Variants in CCDC138 observed in about 807,000 individuals in gnomAD.
CCDC138 encodes the protein coiled-coil domain containing 138.
Under a neutral mutation model 82.3 loss-of-function variants are expected in CCDC138, and 66 were observed. That is an observed-to-expected ratio of 0.80 (90% CI 0.66 to 0.98). The LOEUF is 0.98. Among genes scored for constraint, CCDC138 ranks in the 50% least tolerant of loss-of-function variants. The pLI, the probability that CCDC138 is intolerant of heterozygous loss-of-function variation, is 0.00. For missense variants in CCDC138, 816 were observed against 758.9 expected (o/e 1.08, Z -0.88); for synonymous variants, 297 against 265.4 (o/e 1.12, Z -1.16).
chr2:108,801,957 C>A (rs1213542720), intron 6 of CCDC138, among the ~76,000 whole-genome samples: 1 of 74,280 alleles, frequency 1.3e-5, no homozygotes, highest in African/African-American at 4.2e-5. Context: ...GGCGTTATTT[C>A]TGAGGGCTCT....
At chr2:108,826,309 T>C (rs770001271) in intron 10 of CCDC138, among the ~76,000 whole-genome samples, 1 of 152,326 alleles carries the variant, frequency 6.6e-6, no homozygotes, top group Middle Eastern at 3.4e-3. Context: ...TTTTGCATCA[T>C]GTTTAAGAAA....
At chr2:108,824,068 CAGTGAGTGAGT>C (rs1686164799) in intron 10 of CCDC138, among the ~76,000 whole-genome samples, 1 of 151,960 alleles carries the variant, frequency 6.6e-6, no homozygotes, top group African/African-American at 2.4e-5. Context: ...CTGGGAGAGT[CAGTGAGTGAGT>C]AGTGAGTGAG....
At chr2:108,803,969 A>G (rs1283021493) in intron 6 of CCDC138, among the ~76,000 whole-genome samples, 1 of 152,326 alleles carries the variant, frequency 6.6e-6, no homozygotes, top group Admixed American at 6.5e-5. Context: ...TAAGGAATCA[A>G]TATAGTAATA....
chr2:108,827,584 A>C (rs1309642221), intron 10 of CCDC138, among the ~76,000 whole-genome samples: 1 of 151,082 alleles, frequency 6.6e-6, no homozygotes, highest in Non-Finnish European at 1.5e-5. Context: ...TGGGAGGCCA[A>C]GGTGGGCGGA....
At chr2:108,869,515 G>A (rs182950358) in intron 13 of CCDC138, among the ~76,000 whole-genome samples, 1 of 152,272 alleles carries the variant, frequency 6.6e-6, no homozygotes, top group East Asian at 1.9e-4. Context: ...GGCCAAGGAA[G>A]GCAGTGGTGG....
At chr2:108,824,692 T>C (rs1400261277) in intron 10 of CCDC138, among the ~76,000 whole-genome samples, 1 of 152,324 alleles carries the variant, frequency 6.6e-6, no homozygotes, top group East Asian at 1.9e-4. Flanking sequence ...TCATTTATTA[T>C]CTTTATCAAG....
intron 1 of CCDC138, among the ~76,000 whole-genome samples, 180 bp downstream of exon 1, chr2:108,787,095 G>C (rs1223989422): frequency 6.6e-6 from 1 of 152,070 alleles, no homozygotes. Context: ...TGCGCTGCGG[G>C]GGTGCGGGGG....
At chr2:108,813,484 T>C (rs17036926) in intron 9 of CCDC138, among the ~76,000 whole-genome samples, 3,538 of 152,284 alleles carry the variant, frequency 0.023, 141 homozygotes, top group African/African-American at 0.081. Flanking sequence ...GTACGTATCA[T>C]TGACACATCA....
At chr2:108,824,610 A>G (rs112085321) in intron 10 of CCDC138, among the ~76,000 whole-genome samples, 3 of 152,232 alleles carry the variant, frequency 2.0e-5, no homozygotes, top group African/African-American at 7.2e-5. Flanking sequence ...TTTTTAAAAA[A>G]ATAACTGTAA....
In CCDC138 at chr2:108,839,183, A is replaced by G. The variant is rs755553213; in HGVS notation, c.1207-2A>G. 22 of 1,600,886 alleles carry G rather than the reference A, an allele frequency of 1.4e-5. No individual in the cohort carries two copies. The highest frequency in any genetic ancestry group is 6.9e-5 in the Admixed American group (4 of 58,038). On this transcript the variant is annotated splice_acceptor_variant, in intron 10 of 14. Coordinates refer to ENST00000295124, the MANE Select transcript of CCDC138 (RefSeq NM_144978.3). LOFTEE classifies it high-confidence loss of function. ...ATTTATTTTCCATCATTTTATCTTT[A>G]GCTTTTGCCTCTAATGACAGAGCAG... is the stretch of plus-strand genomic sequence containing the variant.
chr2:108,824,078 GTAGT>G (rs1686166684), intron 10 of CCDC138, among the ~76,000 whole-genome samples: 1 of 152,130 alleles, frequency 6.6e-6, no homozygotes, highest in Non-Finnish European at 1.5e-5. Flanking sequence ...CAGTGAGTGA[GTAGT>G]GAGTGAGTGT....
At position 108,786,785 on chromosome 2, in the gene CCDC138, C is replaced by A; in HGVS notation, c.-38C>A. The A allele has an allele frequency of 6.5e-7, 1 of 1,541,690 alleles. No homozygotes were observed. The highest frequency in any genetic ancestry group is 1.7e-4 in the Middle Eastern group (1 of 5,780). On this transcript the variant is annotated 5_prime_UTR_variant, in exon 1 of 15. Transcript: ENST00000295124. ...CGCGTAGCGCCGCGGGTTTGATGAA[C>A]GCGGTTCCCGGGGAGACTGGTACGG...
chr2:108,842,759 C>T (rs578098592), intron 11 of CCDC138, among the ~76,000 whole-genome samples: 4 of 152,158 alleles, frequency 2.6e-5, no homozygotes, highest in Non-Finnish European at 5.9e-5. Flanking sequence ...TTAAAAGTGA[C>T]TGATCCCTGC....
At chr2:108,829,215 T>C (rs1225308382) in intron 10 of CCDC138, among the ~76,000 whole-genome samples, 1 of 152,114 alleles carries the variant, frequency 6.6e-6, no homozygotes, top group East Asian at 1.9e-4. Context: ...GGAGGAAATA[T>C]TAGCAAATTG....
downstream of CCDC138, chr2:108,876,727 T>C (rs990226668): frequency 6.6e-6 from 1 of 152,266 alleles, no homozygotes; most frequent in Non-Finnish European, 1.5e-5. Flanking sequence ...ATTTTTTTTT[T>C]ATTGTGCTCT....
At chr2:108,827,053 A>G (rs2150156713) in intron 10 of CCDC138, among the ~76,000 whole-genome samples, 1 of 152,324 alleles carries the variant, frequency 6.6e-6, no homozygotes, top group Non-Finnish European at 1.5e-5. Context: ...TACATTACTA[A>G]TATATGGTTA....
intron 10 of CCDC138, among the ~76,000 whole-genome samples, chr2:108,825,634 A>T (rs1427592743): frequency 6.6e-6 from 1 of 152,196 alleles, no homozygotes; most frequent in Non-Finnish European, 1.5e-5. Flanking sequence ...ATGTGTCAAT[A>T]CTTCATTCCT....
intron 12 of CCDC138, among the ~76,000 whole-genome samples, chr2:108,851,847 A>G (rs1043375572): frequency 1.3e-5 from 2 of 152,064 alleles, no homozygotes; most frequent in African/African-American, 2.4e-5. Flanking sequence ...ATATCATAAC[A>G]CCACAGATAC....
intron 10 of CCDC138, among the ~76,000 whole-genome samples, chr2:108,825,948 T>G (rs1044457192): frequency 1.3e-5 from 2 of 152,236 alleles, no homozygotes; most frequent in African/African-American, 4.8e-5. Context: ...ATTTTTGTCA[T>G]CTCAGTGAGT....
Sources: allele counts gnomAD v4.1 joint callset (sites outside exome capture counted in the v4.1 genomes callset), GRCh38; gene constraint gnomAD v4.1.1; transcripts MANE v1.5; gene names NCBI Gene and HGNC (gene_info 2026-07-23, HGNC 2026-07-21).